TTC34: variants seen among roughly 807,000 people sequenced by gnomAD.
TTC34 encodes tetratricopeptide repeat domain 34, also known as tetratricopeptide repeat protein 34.
A neutral mutation model predicts 40.7 loss-of-function variants in TTC34; 44 were observed. The observed-to-expected ratio is 1.08, with a 90% CI of 0.85 to 1.39. The LOEUF (loss-of-function observed/expected upper bound fraction) is 1.39. Among genes scored for constraint, TTC34 ranks in the 40% most tolerant of loss-of-function variants. The pLI is 0.00. For missense variants in TTC34, 884 were observed against 838.0 expected, an observed-to-expected ratio of 1.05 and a Z score of -0.68; for synonymous variants, 422 against 398.6, an observed-to-expected ratio of 1.06 and a Z score of -0.70.
chr1:2,688,547 G>C (rs1640479170), intron 6 of TTC34, among the ~76,000 whole-genome samples: 1 of 141,734 alleles, frequency 7.1e-6, no homozygotes, highest in South Asian at 2.2e-4. Context: ...GCGAGCACCT[G>C]AACCCACGGA....
intron 2 of TTC34, among the ~76,000 whole-genome samples, chr1:2,797,122 C>T (rs1643716143): frequency 6.6e-6 from 1 of 152,206 alleles, no homozygotes; most frequent in South Asian, 2.1e-4. Flanking sequence ...CCCCAGGGGC[C>T]AGGTCCTAGC....
At chr1:2,761,280 A>C in intron 6 of TTC34, among the ~76,000 whole-genome samples, 1 of 55,820 alleles carries the variant, frequency 1.8e-5, no homozygotes, top group Non-Finnish European at 3.0e-5. Context: ...GGCAGCACCC[A>C]CTCCCGCAGG....
exon 4 of TTC34, chr1:2,787,697 G>A (rs535239952): frequency 1.4e-5 from 21 of 1,543,394 alleles, no homozygotes; most frequent in Admixed American, 5.9e-5. Flanking sequence ...GGTGCACGCC[G>A]CAGGCGACCC....
chr1:2,686,335 C>T (rs1254761098), intron 6 of TTC34, among the ~76,000 whole-genome samples: 2 of 151,012 alleles, frequency 1.3e-5, no homozygotes, highest in African/African-American at 4.9e-5. Context: ...AGGCGAGCAT[C>T]CGACAGCCTG....
chr1:2,798,593 C>G (rs1643736550), intron 2 of TTC34, among the ~76,000 whole-genome samples: 1 of 118,502 alleles, frequency 8.4e-6, no homozygotes, highest in African/African-American at 3.3e-5. Flanking sequence ...TCCCCAGCCC[C>G]CCAGCCTCCC....
chr1:2,699,599 G>A (rs1421329074), intron 6 of TTC34, among the ~76,000 whole-genome samples: 3 of 134,914 alleles, frequency 2.2e-5, no homozygotes, highest in African/African-American at 7.9e-5. Flanking sequence ...TGACAGCCTG[G>A]AGCAGCACCC....
rs1467175578 is a variant in TTC34 at position 2,688,048 on chromosome 1, C to G, written c.2227-42485G>C. ...GACTGCATGTAACAGCACCCACACC[C>G]CCAGGTAAGCATCTGACAGCCTGGA... On this transcript the variant is annotated intron_variant, in intron 6 of 8. Coordinates refer to ENST00000401095, the Ensembl canonical transcript of TTC34. Among the ~76,000 whole-genome samples the G allele has an allele frequency of 6.5e-4, 92 of 140,476 alleles. 2 individuals carry two copies. Among genetic ancestry groups the G allele is most frequent in the African/African-American group, 2.1e-3 (74 of 35,930 alleles). 92.2% of individuals were successfully genotyped at this position (140,476 alleles called of 152,430 possible).
chr1:2,653,368 C>A (rs201925721), intron 6 of TTC34, among the ~76,000 whole-genome samples: 6 of 135,586 alleles, frequency 4.4e-5, no homozygotes, highest in African/African-American at 8.2e-5. Flanking sequence ...GCACCCACAC[C>A]CCCAGGCGAG....
intron 6 of TTC34, among the ~76,000 whole-genome samples, chr1:2,683,220 G>A (rs76926500): frequency 5.7e-4 from 68 of 118,808 alleles, no homozygotes; most frequent in Admixed American, 5.6e-3. Flanking sequence ...AGCCTGGGTC[G>A]GCACCCACAC....
At chr1:2,767,543 G>A (rs1305978326) in intron 6 of TTC34, among the ~76,000 whole-genome samples, 6 of 105,340 alleles carry the variant, frequency 5.7e-5, no homozygotes, top group East Asian at 3.0e-4. Context: ...AGAATCTGAC[G>A]CATAAAACAG....
At chr1:2,652,513 C>CGGTT (rs1639180932) in intron 6 of TTC34, among the ~76,000 whole-genome samples, 37 of 69,662 alleles carry the variant, frequency 5.3e-4, no homozygotes, top group Non-Finnish European at 7.3e-4. Context: ...CGGCCTGCAA[C>CGGTT]AGCACCCACA....
intron 6 of TTC34, among the ~76,000 whole-genome samples, chr1:2,685,241 C>G (rs1392367129): frequency 3.2e-3 from 15 of 4,628 alleles, no homozygotes; most frequent in Non-Finnish European, 4.7e-3. Flanking sequence ...ACCCACACCC[C>G]AGGTGAGCAT....
intron 6 of TTC34, among the ~76,000 whole-genome samples, chr1:2,684,298 C>T: frequency 6.9e-6 from 1 of 145,474 alleles, no homozygotes; most frequent in Non-Finnish European, 1.5e-5. Context: ...ATATGACAGC[C>T]TGGGTCGGCA....
chr1:2,765,763 T>A (rs1437776212), intron 6 of TTC34, among the ~76,000 whole-genome samples: 1 of 32,382 alleles, frequency 3.1e-5, no homozygotes, highest in Non-Finnish European at 4.6e-5. Context: ...CACCCCCAGG[T>A]GAGCATGTGA....
chr1:2,660,310 C>CAT (rs1639499365), intron 6 of TTC34, among the ~76,000 whole-genome samples: 1 of 138,546 alleles, frequency 7.2e-6, no homozygotes, highest in Non-Finnish European at 1.7e-5. Flanking sequence ...GCACCCTGCA[C>CAT]CCCCAGGTGA....
At chr1:2,791,612 G>A (rs2100632070) in intron 2 of TTC34, among the ~76,000 whole-genome samples, 1 of 152,248 alleles carries the variant, frequency 6.6e-6, no homozygotes, top group African/African-American at 2.4e-5. Context: ...GCAGCCACAA[G>A]GTCACTCTGT....
At chr1:2,750,253 G>C (rs1394618802) in intron 6 of TTC34, among the ~76,000 whole-genome samples, 2 of 46,436 alleles carry the variant, frequency 4.3e-5, no homozygotes, top group Admixed American at 2.3e-4. Flanking sequence ...CCCACAGGTG[G>C]GCATCTGACA....
rs1643609810 is a variant in TTC34 at position 2,787,688 on chromosome 1, GT to G, written c.1646del (p.His549ProfsTer7). The G allele has an allele frequency of 2.6e-6, 4 of 1,546,182 alleles. No homozygotes were observed. In the African/African-American group the frequency reaches 5.5e-5, roughly 21 times the overall value. On this transcript the variant is annotated frameshift_variant, in exon 4 of 9. Coordinates refer to ENST00000401095, the Ensembl canonical transcript of TTC34. LOFTEE classifies it high-confidence loss of function. ...GCTCCATCAGCAGTGTGGCCAGCTG[GT>G]GCACGCCGCAGGCGACCCTGTGTGG...
chr1:2,695,875 C>A (rs1183109544), intron 6 of TTC34, among the ~76,000 whole-genome samples: 6,035 of 77,310 alleles, frequency 0.078, 4 homozygotes, highest in African/African-American at 0.095. Context: ...AGAACCCACA[C>A]CCCGAGGCGA....
Sources: allele counts gnomAD v4.1 joint callset (sites outside exome capture counted in the v4.1 genomes callset), GRCh38; gene constraint gnomAD v4.1.1; transcripts MANE v1.5; gene names NCBI Gene and HGNC (gene_info 2026-07-23, HGNC 2026-07-21).